POLR1D: variants seen among roughly 807,000 people sequenced by gnomAD.
The protein encoded by POLR1D is DNA-directed RNA polymerases I and III subunit RPAC2.
A neutral mutation model predicts 10.8 loss-of-function variants in POLR1D; 8 were observed. The observed-to-expected ratio is 0.74, with a 90% CI of 0.43 to 1.33. The LOEUF (loss-of-function observed/expected upper bound fraction) is 1.33. Among genes scored for constraint, POLR1D ranks in the 40% most tolerant of loss-of-function variants. The pLI, the probability that POLR1D is intolerant of heterozygous loss-of-function variation, is 0.01. For missense variants in POLR1D, 152 were observed against 161.7 expected (o/e 0.94, Z 0.32); for synonymous variants, 54 against 57.2 (o/e 0.94, Z 0.25).
At chr13:27,656,710 A>C (rs973530647) in intron 2 of POLR1D, among the ~76,000 whole-genome samples, 15 of 152,214 alleles carry the variant, frequency 9.9e-5, no homozygotes, top group Non-Finnish European at 2.2e-4. Context: ...GTTGAGTCAC[A>C]GTTCTCTGTG....
intron 2 of POLR1D, among the ~76,000 whole-genome samples, chr13:27,654,149 T>C (rs1241066363): frequency 6.6e-6 from 1 of 152,252 alleles, no homozygotes; most frequent in Non-Finnish European, 1.5e-5. Flanking sequence ...GTAGATATTC[T>C]TCTTTGATAC....
chr13:27,661,043 C>T (rs1956359384), intron 2 of POLR1D: 1 of 152,170 alleles, frequency 6.6e-6, no homozygotes, highest in South Asian at 2.1e-4. Context: ...GATACTACTA[C>T]CTCTATCCTT....
intron 1 of POLR1D, among the ~76,000 whole-genome samples, chr13:27,633,379 G>A (rs1271963780): frequency 3.9e-5 from 6 of 152,176 alleles, no homozygotes; most frequent in African/African-American, 9.7e-5. Context: ...TACCTACTGT[G>A]TGATTTTGGA....
chr13:27,632,364 G>A (rs545367468), intron 1 of POLR1D, among the ~76,000 whole-genome samples: 3 of 152,266 alleles, frequency 2.0e-5, no homozygotes, highest in South Asian at 4.1e-4. Context: ...TTTCAATGCC[G>A]AATAGTACAC....
exon 3 of POLR1D, chr13:27,666,108 A>C: frequency 4.6e-6 from 3 of 658,844 alleles, no homozygotes; most frequent in Non-Finnish European, 7.7e-6. Context: ...ACAGGCAAAA[A>C]AAATGACCTA....
Position 27,663,448 on chromosome 13 carries a change from AATT to A in POLR1D, c.102-2234_102-2232del, listed in dbSNP as rs1185854171. Among the ~76,000 whole-genome samples the A allele has an allele frequency of 6.6e-6, 1 of 152,190 alleles. No homozygotes were observed. The highest frequency in any genetic ancestry group is 2.4e-5 in the African/African-American group (1 of 41,456). ...GATGTAAATGCCAGTTTTCTTGTGG[AATT>A]ATTCTATAAAACCATCTCATTCTCT... On this transcript the variant is annotated intron_variant, in intron 2 of 2. Coordinates refer to the POLR1D transcript ENST00000399697. This position sits in a 1 kb window ranked among gnomAD's most constrained non-coding sequence, Gnocchi z 4.1.
chr13:27,658,650 TAAAG>T (rs905479335), intron 2 of POLR1D, among the ~76,000 whole-genome samples: 14 of 152,232 alleles, frequency 9.2e-5, no homozygotes, highest in Non-Finnish European at 1.8e-4. Flanking sequence ...TTTTATTTTA[TAAAG>T]AAAGAGACCA....
At chr13:27,653,062 C>T (rs1593291139) in intron 2 of POLR1D, among the ~76,000 whole-genome samples, 1 of 151,722 alleles carries the variant, frequency 6.6e-6, no homozygotes, top group Non-Finnish European at 1.5e-5. Flanking sequence ...CCATGCCTGA[C>T]TAATGTTTGT....
downstream of POLR1D, among the ~76,000 whole-genome samples, chr13:27,625,724 A>G (rs893921301): frequency 2.0e-5 from 3 of 152,126 alleles, no homozygotes; most frequent in Admixed American, 6.5e-5. Context: ...CAACTTCAGT[A>G]TTTAAAGTTT....
chr13:27,623,986 T>G (rs927353913), downstream of POLR1D, among the ~76,000 whole-genome samples: 2 of 152,170 alleles, frequency 1.3e-5, no homozygotes. Flanking sequence ...AGTCCTTAAG[T>G]AGGTATAGCC....
At chr13:27,644,124 G>C (rs1049627866) in intron 1 of POLR1D, among the ~76,000 whole-genome samples, 6 of 152,136 alleles carry the variant, frequency 3.9e-5, no homozygotes, top group Non-Finnish European at 8.8e-5. Context: ...CCCTCTGGCT[G>C]ACTCCATCAT....
chr13:27,622,692 G>A, intron 1 of POLR1D, 183 bp from the exon 2 acceptor site: 1 of 589,276 alleles, frequency 1.7e-6, no homozygotes, highest in Non-Finnish European at 3.0e-6. Context: ...GGAAAAACTG[G>A]AGGCAATAAA....
intron 1 of POLR1D, among the ~76,000 whole-genome samples, chr13:27,635,564 CATG>C (rs1956114817): frequency 6.6e-6 from 1 of 151,840 alleles, no homozygotes; most frequent in African/African-American, 2.4e-5. Context: ...TTGCTGTGCA[CATG>C]ATATTTTAGT....
intron 1 of POLR1D, among the ~76,000 whole-genome samples, chr13:27,632,497 A>G (rs993519804): frequency 1.3e-5 from 2 of 152,168 alleles, no homozygotes; most frequent in Non-Finnish European, 2.9e-5. Context: ...TTTGTTTTCC[A>G]GGTACCAAGA....
At chr13:27,621,861 C>A, upstream of POLR1D, 3 of 1,044,818 alleles carry the variant, frequency 2.9e-6, no homozygotes, top group East Asian at 2.6e-5. Context: ...CTCCTCCCTC[C>A]TTCCGTCCTC....
chr13:27,658,922 G>A (rs984664257), intron 2 of POLR1D, among the ~76,000 whole-genome samples: 3 of 152,146 alleles, frequency 2.0e-5, no homozygotes, highest in African/African-American at 7.2e-5. Flanking sequence ...TGGAACTTCA[G>A]CCTTATACTT....
chr13:27,643,684 T>G (rs897821835), intron 1 of POLR1D, among the ~76,000 whole-genome samples: 1 of 152,206 alleles, frequency 6.6e-6, no homozygotes, highest in Non-Finnish European at 1.5e-5. Context: ...TCTCTAAGCT[T>G]TATCATTCCA....
chr13:27,659,795 C>A (rs779763685), intron 2 of POLR1D, among the ~76,000 whole-genome samples: 1 of 152,078 alleles, frequency 6.6e-6, no homozygotes, highest in Non-Finnish European at 1.5e-5. Flanking sequence ...ACTTTGACTT[C>A]CCCTACCTTC....
intron 2 of POLR1D, among the ~76,000 whole-genome samples, chr13:27,649,456 A>G (rs966720538): frequency 6.6e-6 from 1 of 152,206 alleles, no homozygotes; most frequent in African/African-American, 2.4e-5. Flanking sequence ...AAAAATAACT[A>G]CAAAGAAATT....
Sources: allele counts gnomAD v4.1 joint callset (sites outside exome capture counted in the v4.1 genomes callset), GRCh38; gene constraint gnomAD v4.1.1; non-coding constraint Gnocchi (gnomAD v3.1); transcripts MANE v1.5; gene names NCBI Gene and HGNC (gene_info 2026-07-23, HGNC 2026-07-21).